PLXNA4: variants seen among roughly 807,000 people sequenced by gnomAD.
PLXNA4 encodes the protein plexin-A4.
Under a neutral mutation model 191.8 loss-of-function variants are expected in PLXNA4, and 44 were observed. That is an observed-to-expected ratio of 0.23 (90% confidence interval 0.18 to 0.29). The LOEUF is 0.29. Ranked by LOEUF, PLXNA4 falls within the 10% of genes least tolerant of loss-of-function variation. The pLI is 1.00. For synonymous variants in PLXNA4, 1,082 were observed against 1,009.5 expected (o/e 1.07, Z -1.36); for missense variants, 1,800 against 2,488.8 (o/e 0.72, Z 5.89).
rs2116667253 is a variant in PLXNA4, at chr7:132,168,649, C to T, written c.4018-77G>A. The T allele has an allele frequency of 2.0e-6, 3 of 1,490,082 alleles. No individual in the cohort carries two copies. The South Asian group carries it at 4.1e-5, about 20-fold the overall frequency. The allele number at this position is 1,490,082 out of a possible 1,614,324, so 92.3% of individuals were successfully genotyped here. On this transcript the variant is annotated intron_variant, in intron 21 of 31. Transcript: ENST00000321063. ...TGACCTCCCCACGGGATGGCTGTGCCCATATCCATGACCCTCTCATCCACC... is the reference window on the plus strand; with the variant it reads ...TGACCTCCCCACGGGATGGCTGTGCTCATATCCATGACCCTCTCATCCACC...
intron 3 of PLXNA4, among the ~76,000 whole-genome samples, chr7:132,323,405 T>C (rs957626684): frequency 2.6e-5 from 4 of 152,174 alleles, no homozygotes; most frequent in Non-Finnish European, 4.4e-5. Context: ...CTTCGAGTGA[T>C]CTGAGGAGTT....
intron 3 of PLXNA4, among the ~76,000 whole-genome samples, chr7:132,332,338 C>A (rs79566249): frequency 0.094 from 14,338 of 152,204 alleles, 870 homozygotes; most frequent in Admixed American, 0.2. Context: ...CTTCTTCTCC[C>A]CCACTGTCCT....
intron 2 of PLXNA4, among the ~76,000 whole-genome samples, chr7:132,602,175 A>G (rs1350432991): frequency 6.6e-6 from 1 of 152,194 alleles, no homozygotes; most frequent in East Asian, 1.9e-4. Context: ...GTAGCGAGGT[A>G]ATTAGACTCC....
chr7:132,404,914 C>G lies in PLXNA4; in HGVS notation c.1371+84378G>C, dbSNP rs542022921. ...ACTGCACAGGGTGGGGTACTACTGC[C>G]TTCCTGTCACCCCAGTGTTCCCACT... On this transcript the variant is annotated intron_variant, in intron 3 of 31. Coordinates refer to ENST00000321063, the MANE Select transcript of PLXNA4 (RefSeq NM_020911.2). 2.4e-4 allele frequency among the ~76,000 whole-genome samples: 36 copies of G among 152,222 alleles called. No homozygotes were observed. In the South Asian group the frequency reaches 6.8e-3, roughly 29 times the overall value.
chr7:132,355,283 A>G (rs937362724), intron 3 of PLXNA4, among the ~76,000 whole-genome samples: 1 of 152,212 alleles, frequency 6.6e-6, no homozygotes, highest in Non-Finnish European at 1.5e-5. Flanking sequence ...AACTTCGTCC[A>G]AGTCTGTTCC....
rs566993779 is a variant in PLXNA4 at position 132,436,879 on chromosome 7, T to A, written c.1371+52413A>T. 3.3e-5 allele frequency among the ~76,000 whole-genome samples: 5 copies of A among 152,286 alleles called. No individual in the cohort carries two copies. The South Asian group carries it at 6.2e-4, about 19-fold the overall frequency. ...TTCACAGCTGCTATACCCCACTCAA[T>A]GCAGGCTGCTTCAGGGCTCCAGGAC... On this transcript the variant is annotated intron_variant, in intron 3 of 31. Coordinates refer to ENST00000321063, the MANE Select transcript of PLXNA4 (RefSeq NM_020911.2).
At chr7:132,311,194 G>GTGTGTGTGTGTGCGCGCA (rs1491367840) in intron 3 of PLXNA4, among the ~76,000 whole-genome samples, 1 of 82,796 alleles carries the variant, frequency 1.2e-5, no homozygotes, top group African/African-American at 5.0e-5. Context: ...GTGTGTGTGT[G>GTGTGTGTGTGTGCGCGCA]CGCGTGTGGC....
At chr7:132,256,054 A>G (rs1170494070) in intron 4 of PLXNA4, among the ~76,000 whole-genome samples, 3 of 152,216 alleles carry the variant, frequency 2.0e-5, no homozygotes, top group Admixed American at 6.5e-5. Context: ...CTCCTAGCCA[A>G]GTACAAGAGG....
At chr7:132,220,452 T>G (rs1448450752) in intron 9 of PLXNA4, among the ~76,000 whole-genome samples, 4 of 152,160 alleles carry the variant, frequency 2.6e-5, no homozygotes, top group African/African-American at 9.7e-5. Context: ...CCAAAATGTA[T>G]TCCATGTGAT....
At chr7:132,281,407 G>A (rs1800473912) in intron 4 of PLXNA4, among the ~76,000 whole-genome samples, 1 of 152,052 alleles carries the variant, frequency 6.6e-6, no homozygotes, top group South Asian at 2.1e-4. Flanking sequence ...ACTAATCGGA[G>A]GGTGCTGAAT....
chr7:132,508,741 C>T lies in PLXNA4; in HGVS notation c.-48G>A, dbSNP rs1387495767. Reference sequence around the variant, plus strand: ...ACAGCAGCACTCAGGCACAGTCGTCCCCTCAGAGGGCCAGGACTCAGCAAT... The same window carrying T: ...ACAGCAGCACTCAGGCACAGTCGTCTCCTCAGAGGGCCAGGACTCAGCAAT... On this transcript the variant is annotated 5_prime_UTR_variant, in exon 2 of 32. Transcript: ENST00000321063. This position sits in a 1 kb window ranked among gnomAD's most constrained non-coding sequence, Gnocchi z 4.4. 2 of 1,460,720 alleles carry T rather than the reference C, an allele frequency of 1.4e-6. No homozygotes were observed. The highest frequency in any genetic ancestry group is 2.8e-5 in the South Asian group (2 of 70,406). 90.5% of individuals were successfully genotyped at this position (1,460,720 alleles called of 1,614,324 possible).
chr7:132,578,190 C>G (rs1219332288), upstream of PLXNA4, among the ~76,000 whole-genome samples: 2 of 152,112 alleles, frequency 1.3e-5, no homozygotes, highest in African/African-American at 4.8e-5. Flanking sequence ...TGGGCCCACC[C>G]ACCAAGAGAA....
At chr7:132,199,982 G>A (rs1584832657) in intron 12 of PLXNA4, among the ~76,000 whole-genome samples, 1 of 152,226 alleles carries the variant, frequency 6.6e-6, no homozygotes, top group Admixed American at 6.5e-5. Context: ...GACAGATGTG[G>A]GGAAGGTCAG....
intron 24 of PLXNA4, among the ~76,000 whole-genome samples, chr7:132,162,905 C>T (rs748946949): frequency 4.6e-5 from 7 of 152,134 alleles, no homozygotes; most frequent in Admixed American, 1.3e-4. Context: ...CCCAGCTAGC[C>T]ACAGGCTCTG....
intron 2 of PLXNA4, among the ~76,000 whole-genome samples, chr7:132,491,424 G>A (rs1045702099): frequency 2.6e-5 from 4 of 152,162 alleles, no homozygotes; most frequent in African/African-American, 4.8e-5. Context: ...CAGAGAAGGT[G>A]ACCTGCTCAG....
At chr7:132,632,970 G>C (rs1803521944) in intron 2 of PLXNA4, among the ~76,000 whole-genome samples, 1 of 152,064 alleles carries the variant, frequency 6.6e-6, no homozygotes, top group East Asian at 1.9e-4. Context: ...GGAGTGGAAG[G>C]TGGGGAGACA....
chr7:132,230,710 G>A (rs1798496921), intron 5 of PLXNA4, among the ~76,000 whole-genome samples: 1 of 152,232 alleles, frequency 6.6e-6, no homozygotes, highest in Non-Finnish European at 1.5e-5. Flanking sequence ...TATTAATAGT[G>A]TTATTACTCC....
intron 3 of PLXNA4, chr7:132,352,277 C>T (rs1046378802): frequency 6.6e-6 from 1 of 152,550 alleles, no homozygotes; most frequent in African/African-American, 2.4e-5. Context: ...GCCCCCCTCT[C>T]GCCTACGTGT....
chr7:132,315,606 A>G (rs1801912928), intron 3 of PLXNA4, among the ~76,000 whole-genome samples: 1 of 152,222 alleles, frequency 6.6e-6, no homozygotes, highest in Admixed American at 6.5e-5. Context: ...TTCTGGTTAA[A>G]ACCCAATACA....
Sources: allele counts gnomAD v4.1 joint callset (sites outside exome capture counted in the v4.1 genomes callset), GRCh38; gene constraint gnomAD v4.1.1; non-coding constraint Gnocchi (gnomAD v3.1); transcripts MANE v1.5; gene names NCBI Gene and HGNC (gene_info 2026-07-23, HGNC 2026-07-21).